The following USH1C variants were observed in gnomAD, a reference collection of about 807,000 sequenced individuals.
The protein encoded by USH1C is USH1 protein network component harmonin.
Under a neutral mutation model 119.3 loss-of-function variants are expected in USH1C, and 90 were observed. The observed-to-expected ratio is 0.75, with a 90% CI of 0.64 to 0.90. The LOEUF (loss-of-function observed/expected upper bound fraction) is 0.90, where lower values mean the gene tolerates loss of function less well. Among genes scored for constraint, USH1C ranks in the 40% least tolerant of loss-of-function variants. The pLI, the probability that USH1C is intolerant of heterozygous loss-of-function variation, is 0.00. For missense variants in USH1C, 1,165 were observed against 1,167.7 expected (o/e 1.00, Z 0.03); for synonymous variants, 465 against 443.3 (o/e 1.05, Z -0.62).
intron 20 of USH1C, 110 bp from the exon 21 acceptor site, chr11:17,502,090 G>A: frequency 8.4e-7 from 1 of 1,195,116 alleles, no homozygotes. Flanking sequence ...GTGAGGGGTA[G>A]GGCGGGAGAA....
At chr11:17,532,157 T>C (rs1851017153) in intron 2 of USH1C, among the ~76,000 whole-genome samples, 1 of 152,184 alleles carries the variant, frequency 6.6e-6, no homozygotes, top group South Asian at 2.1e-4. Flanking sequence ...ATTTATGATC[T>C]CCGTGCCCTC....
intron 4 of USH1C, among the ~76,000 whole-genome samples, chr11:17,529,729 G>A (rs759258921): frequency 1.3e-5 from 2 of 152,196 alleles, no homozygotes; most frequent in Non-Finnish European, 2.9e-5. Context: ...CAAGGGCCAC[G>A]ATGATATAAC....
chr11:17,504,214 GT>G (rs950293258), intron 20 of USH1C, among the ~76,000 whole-genome samples: 8 of 152,196 alleles, frequency 5.3e-5, no homozygotes, highest in African/African-American at 1.9e-4. Flanking sequence ...CGCTGGTTCA[GT>G]GTCAGGCAGG....
chr11:17,504,820 G>T, intron 19 of USH1C, 123 bp from the exon 20 acceptor site: 1 of 984,534 alleles, frequency 1.0e-6, no homozygotes, highest in Non-Finnish European at 1.6e-6. Flanking sequence ...TCCCCGAGCA[G>T]TCTGGCTTAC....
chr11:17,533,565 T>G, intron 1 of USH1C: 1 of 614,492 alleles, frequency 1.6e-6, no homozygotes, highest in Non-Finnish European at 3.0e-6. Flanking sequence ...AGGCACCCTT[T>G]GTCCCCAGGT....
intron 22 of USH1C, 51 bp from the exon 23 acceptor site, chr11:17,501,201 G>C: frequency 6.9e-7 from 1 of 1,446,488 alleles, no homozygotes; most frequent in Middle Eastern, 1.7e-4. Context: ...GCAGCCTGTG[G>C]ACACCTGGGC....
chr11:17,513,288 C>T (rs1403713569), intron 15 of USH1C, among the ~76,000 whole-genome samples: 4 of 152,152 alleles, frequency 2.6e-5, no homozygotes, highest in South Asian at 2.1e-4. Context: ...CAGCCCACAC[C>T]CTGGGCAATT....
At position 17,526,172 on chromosome 11, in the gene USH1C, G is replaced by C. The variant is rs562376695; in HGVS notation, c.674+175C>G. ...GCTATGATCATGCCACTGCACTCCA[G>C]CCTGGGCAACAGAGTCAGACCCTGT... On this transcript the variant is annotated intron_variant, in intron 8 of 26. Transcript: ENST00000005226. Among the ~76,000 whole-genome samples the C allele has an allele frequency of 1.7e-4, 26 of 152,340 alleles. No individual in the cohort carries two copies. The South Asian group carries it at 5.2e-3, about 30-fold the overall frequency.
In USH1C at chr11:17,520,770, G is replaced by T. The variant is rs1033762325; in HGVS notation, c.1210+100C>A. 207 of 1,432,168 alleles carry T rather than the reference G, an allele frequency of 1.4e-4. 1 individual carries two copies. The Admixed American group carries it at 3.3e-3, about 23-fold the overall frequency. The allele number at this position is 1,432,168 out of a possible 1,614,324, so 88.7% of individuals were successfully genotyped here. On this transcript the variant is annotated intron_variant, in intron 14 of 26. Coordinates refer to ENST00000005226, the MANE Select transcript of USH1C (RefSeq NM_153676.4). ...CTCCATGAAGGAACCACAGCCCAGA[G>T]CACCAAGGGCTATCCATCTAGGAGG...
intron 26 of USH1C, 57 bp downstream of exon 26, chr11:17,495,501 GTGGGCAGCAGA>G: frequency 1.3e-6 from 2 of 1,496,554 alleles, no homozygotes; most frequent in Non-Finnish European, 1.9e-6. Flanking sequence ...TGCTGACAGC[GTGGGCAGCAGA>G]TGGCCACTGC....
In USH1C at chr11:17,520,950, T is replaced by C; in HGVS notation, c.1130A>G (p.Asp377Gly). The C allele has an allele frequency of 6.2e-7, 1 of 1,614,084 alleles. No individual in the cohort carries two copies. The highest frequency in any genetic ancestry group is 8.5e-7 in the Non-Finnish European group (1 of 1,179,994). ...GAGTAGCTGTTCCTTTGAGCCCCAG[T>C]CTTCTTCCCATTGCTTCTTAAACTT... ...EEKFKKQWEEDWGSKEQLLLP... is the reference protein window; with the variant it reads ...EEKFKKQWEEGWGSKEQLLLP... Residue 377 changes from aspartate (D) to glycine (G), a missense_variant, in exon 14 of 27, where the codon GAC (aspartate) becomes GGC (glycine). By Grantham distance (94) the Asp-to-Gly change is moderately conservative. Coordinates refer to ENST00000005226, the MANE Select transcript of USH1C (RefSeq NM_153676.4).
intron 4 of USH1C, among the ~76,000 whole-genome samples, chr11:17,529,165 C>CT (rs1850846421): frequency 1.3e-5 from 2 of 152,238 alleles, no homozygotes; most frequent in Admixed American, 6.5e-5. Flanking sequence ...ACAAAGGCAG[C>CT]TGTCCATGTT....
Position 17,498,922 on chromosome 11 carries a change from C to T in USH1C, c.2381-651G>A, listed in dbSNP as rs917401324. On this transcript the variant is annotated intron_variant, in intron 23 of 26. Transcript: ENST00000005226. Reference sequence around the variant, plus strand: ...TTTTGGTTCACCATAATATCCCCAGCACTTAACATAATGCCTGACACAAAA... The same window carrying T: ...TTTTGGTTCACCATAATATCCCCAGTACTTAACATAATGCCTGACACAAAA... 4.6e-5 allele frequency among the ~76,000 whole-genome samples: 7 copies of T among 152,228 alleles called. No homozygotes were observed. The East Asian group carries it at 1.2e-3, about 25-fold the overall frequency.
chr11:17,520,801 G>A lies in USH1C; in HGVS notation c.1210+69C>T, dbSNP rs917936604. 3.8e-6 allele frequency: 6 copies of A among 1,581,322 alleles called. No individual in the cohort carries two copies. The Admixed American group carries it at 6.7e-5, about 18-fold the overall frequency. On this transcript the variant is annotated intron_variant, in intron 14 of 26. Transcript: ENST00000005226. Reference sequence around the variant, plus strand: ...AGGGCTATCCATCTAGGAGGTGGTGGTGAGGGGAGGGAGGGCCAGCATTTC... The same window carrying A: ...AGGGCTATCCATCTAGGAGGTGGTGATGAGGGGAGGGAGGGCCAGCATTTC...
intron 22 of USH1C, 25 bp from the exon 23 acceptor site, chr11:17,501,175 G>T: frequency 1.3e-6 from 2 of 1,589,292 alleles, no homozygotes. Flanking sequence ...ACAGGCCTTA[G>T]GGAGCCAAGC....
At chr11:17,506,827 C>T (rs1190437509) in intron 18 of USH1C, among the ~76,000 whole-genome samples, 5 of 152,184 alleles carry the variant, frequency 3.3e-5, no homozygotes, top group Non-Finnish European at 7.3e-5. Flanking sequence ...GATGGTGTGG[C>T]GGGTGCCTAC....
At chr11:17,522,684 A>T in intron 12 of USH1C, 100 bp downstream of exon 12, 2 of 1,563,246 alleles carry the variant, frequency 1.3e-6, no homozygotes, top group Non-Finnish European at 1.8e-6. Flanking sequence ...AGGGAGGAGG[A>T]GGAAGTTGGC....
chr11:17,498,207 C>G lies in USH1C; in HGVS notation c.2445G>C (p.Leu815=). The G allele has an allele frequency of 6.2e-7, 1 of 1,614,202 alleles. No individual in the cohort carries two copies. The highest frequency in any genetic ancestry group is 8.5e-7 in the Non-Finnish European group (1 of 1,180,020). Residue 815 remains leucine, a synonymous_variant, in exon 24 of 27, where the codon CTG becomes CTC. Coordinates refer to ENST00000005226, the MANE Select transcript of USH1C (RefSeq NM_153676.4). The stretch of plus-strand genomic sequence containing the variant: ...TCTGCAGGGCAGCCTCAGCCTCAGC[C>G]AGGGTGTAGTCTGTCACAATCTTGC... ...INGKIVTDYT[L]AEAEAALQKA...
chr11:17,516,487 G>A, intron 14 of USH1C, 197 bp from the exon 15 acceptor site: 1 of 619,464 alleles, frequency 1.6e-6, no homozygotes, highest in Non-Finnish European at 2.9e-6. Context: ...ACAGGCCTAA[G>A]ACCACCGAGA....
Sources: allele counts gnomAD v4.1 joint callset (sites outside exome capture counted in the v4.1 genomes callset), GRCh38; gene constraint gnomAD v4.1.1; transcripts MANE v1.5; gene names NCBI Gene and HGNC (gene_info 2026-07-23, HGNC 2026-07-21).